Variants in PLCXD3 observed in about 807,000 individuals in gnomAD.
PLCXD3 encodes PI-PLC X domain-containing protein 3.
In PLCXD3, 19 loss-of-function variants were observed where a neutral mutation model predicts 25.5. The observed-to-expected ratio is 0.75, with a 90% CI of 0.52 to 1.09. The LOEUF is 1.09. PLCXD3 is among the 50% of genes least tolerant of loss of function. The pLI is 0.00. For missense variants in PLCXD3, 411 were observed against 388.1 expected, an observed-to-expected ratio of 1.06 and a Z score of -0.50; for synonymous variants, 174 against 137.6, an observed-to-expected ratio of 1.26 and a Z score of -1.85.
At chr5:41,472,037 C>T (rs906631937) in intron 1 of PLCXD3, among the ~76,000 whole-genome samples, 3 of 146,570 alleles carry the variant, frequency 2.0e-5, no homozygotes, top group African/African-American at 7.6e-5. Context: ...CTTCTTCTCT[C>T]CTACTTTGAC....
chr5:41,334,936 G>C (rs1029119695), intron 2 of PLCXD3, among the ~76,000 whole-genome samples: 1 of 152,108 alleles, frequency 6.6e-6, no homozygotes, highest in Non-Finnish European at 1.5e-5. Flanking sequence ...TTTTCCAGGG[G>C]AATGAAAGAA....
chr5:41,474,468 G>T (rs1748236823), intron 1 of PLCXD3, among the ~76,000 whole-genome samples: 1 of 152,122 alleles, frequency 6.6e-6, no homozygotes, highest in Admixed American at 6.5e-5. Flanking sequence ...CATTCTTTCA[G>T]CCTCTAACAT....
intron 1 of PLCXD3, among the ~76,000 whole-genome samples, chr5:41,393,468 T>A (rs7732708): frequency 0.11 from 16,566 of 152,158 alleles, 1,073 homozygotes; most frequent in Admixed American, 0.17. Flanking sequence ...TCTGGCAAAA[T>A]ATATCCTTCA....
At chr5:41,494,010 A>T (rs1322698452) in intron 1 of PLCXD3, among the ~76,000 whole-genome samples, 2 of 152,164 alleles carry the variant, frequency 1.3e-5, no homozygotes, top group African/African-American at 4.8e-5. Context: ...GAAATGCAGA[A>T]ATCACCCGTG....
In PLCXD3 at chr5:41,410,960, T is replaced by G. The variant is rs114773412; in HGVS notation, c.104-28426A>C. 3.9e-3 allele frequency among the ~76,000 whole-genome samples: 601 copies of G among 152,190 alleles called. 5 individuals carry two copies. The highest frequency in any genetic ancestry group is 0.014 in the African/African-American group (581 of 41,522). On this transcript the variant is annotated intron_variant, in intron 1 of 2. Coordinates refer to ENST00000377801, the MANE Select transcript of PLCXD3 (RefSeq NM_001005473.3). ...CAGACCCTGCAGTTTGGGGCAGTCT[T>G]GAGTATATGTAACCACAGGAGCAGC...
At chr5:41,377,824 AC>A (rs1363229297) in intron 2 of PLCXD3, among the ~76,000 whole-genome samples, 1 of 152,086 alleles carries the variant, frequency 6.6e-6, no homozygotes. Context: ...TTGTAGAGAA[AC>A]TAGCTAGTCA....
At chr5:41,435,567 ATCTT>A (rs1747228830) in intron 1 of PLCXD3, among the ~76,000 whole-genome samples, 4 of 152,148 alleles carry the variant, frequency 2.6e-5, no homozygotes, top group Non-Finnish European at 5.9e-5. Context: ...GCCCTGAGCA[ATCTT>A]GGAAAAGTCT....
intron 2 of PLCXD3, among the ~76,000 whole-genome samples, chr5:41,347,989 A>G (rs185202829): frequency 6.6e-6 from 1 of 152,230 alleles, no homozygotes; most frequent in Admixed American, 6.5e-5. Flanking sequence ...CCAAAACACT[A>G]AGTAAAAATA....
At chr5:41,503,167 C>A (rs2111586920) in intron 1 of PLCXD3, among the ~76,000 whole-genome samples, 2 of 152,252 alleles carry the variant, frequency 1.3e-5, no homozygotes, top group South Asian at 4.1e-4. Context: ...CAAGTGCAGT[C>A]CACTTTCTCT....
chr5:41,491,911 A>C (rs1206727207), intron 1 of PLCXD3, among the ~76,000 whole-genome samples: 2 of 152,146 alleles, frequency 1.3e-5, no homozygotes, highest in African/African-American at 4.8e-5. Flanking sequence ...GTGTCTTTTA[A>C]TTGGAGTATT....
chr5:41,423,237 T>G (rs901738678), intron 1 of PLCXD3, among the ~76,000 whole-genome samples: 1 of 152,144 alleles, frequency 6.6e-6, no homozygotes, highest in African/African-American at 2.4e-5. Flanking sequence ...TATATGTTCT[T>G]TGATGGTTTG....
intron 1 of PLCXD3, among the ~76,000 whole-genome samples, chr5:41,506,004 C>A (rs1749045991): frequency 1.3e-5 from 2 of 152,154 alleles, no homozygotes; most frequent in South Asian, 4.1e-4. Context: ...TACACTAAAG[C>A]AGTTTTCTCA....
intron 2 of PLCXD3, among the ~76,000 whole-genome samples, chr5:41,343,908 T>C (rs1285325368): frequency 6.6e-6 from 1 of 152,128 alleles, no homozygotes; most frequent in East Asian, 1.9e-4. Flanking sequence ...GTTTGTCTGA[T>C]AAGAAAATTC....
Position 41,312,648 on chromosome 5 carries a change from C to G in PLCXD3, c.*969G>C, listed in dbSNP as rs1410142499. 6.9e-6 allele frequency: 1 copy of G among 145,060 alleles called. No homozygotes were observed. The highest frequency in any genetic ancestry group is 1.5e-5 in the Non-Finnish European group (1 of 66,030). 9.0% of individuals were successfully genotyped at this position (145,060 alleles called of 1,614,324 possible). ...CGTCCTTCCTTCTGTCCTTCCCTCC[C>G]TTCTTCCCTCCCTTCCTCCCTCCCT... On this transcript the variant is annotated 3_prime_UTR_variant, in exon 3 of 3. Transcript: ENST00000377801.
intron 2 of PLCXD3, among the ~76,000 whole-genome samples, chr5:41,347,578 A>T (rs1744335831): frequency 6.6e-6 from 1 of 152,204 alleles, no homozygotes; most frequent in South Asian, 2.1e-4. Context: ...GTGTCTGTGC[A>T]AGCACAACAT....
intron 2 of PLCXD3, among the ~76,000 whole-genome samples, chr5:41,335,999 G>A (rs995515129): frequency 6.6e-6 from 1 of 151,994 alleles, no homozygotes; most frequent in African/African-American, 2.4e-5. Context: ...TACTCCCCAA[G>A]GACTCATAAG....
At chr5:41,389,250 C>T (rs1307070629) in intron 1 of PLCXD3, among the ~76,000 whole-genome samples, 3 of 152,098 alleles carry the variant, frequency 2.0e-5, no homozygotes, top group African/African-American at 7.2e-5. Context: ...GCCCTCAGTG[C>T]TTCTCCCCAT....
intron 2 of PLCXD3, among the ~76,000 whole-genome samples, chr5:41,363,650 C>T (rs927608725): frequency 6.6e-6 from 1 of 152,186 alleles, no homozygotes; most frequent in African/African-American, 2.4e-5. Context: ...ATTATTGTTT[C>T]ACCTAGATTT....
In PLCXD3 at chr5:41,382,224, C is replaced by T; in HGVS notation, c.414G>A (p.Glu138=). ...INAFLTDHHK[E]VVFLDFNHFY... ...AGTGGTTGAAGTCCAAGAACACTACCTCCTTATGGTGATCTGTGAGGAATG... is the reference window on the plus strand; with the variant it reads ...AGTGGTTGAAGTCCAAGAACACTACTTCCTTATGGTGATCTGTGAGGAATG... Residue 138 remains glutamate, a synonymous_variant, in exon 2 of 3, where the codon GAG becomes GAA. Transcript: ENST00000377801. 6.2e-7 allele frequency: 1 copy of T among 1,613,748 alleles called. No homozygotes were observed. The highest frequency in any genetic ancestry group is 1.1e-5 in the South Asian group (1 of 91,080).
Sources: gnomAD v4.1 joint callset for allele counts (sites outside exome capture counted in the v4.1 genomes callset) on GRCh38, gnomAD v4.1.1 for gene constraint, MANE v1.5 for transcripts, NCBI Gene and HGNC (gene_info 2026-07-23, HGNC 2026-07-21) for gene names.